The following SYT14 variants were observed in gnomAD, a reference collection of about 807,000 sequenced individuals.
SYT14 encodes synaptotagmin-14.
A neutral mutation model predicts 74.2 loss-of-function variants in SYT14; 32 were observed. That is an observed-to-expected ratio of 0.43 (90% CI 0.33 to 0.58). The LOEUF (loss-of-function observed/expected upper bound fraction) is 0.58, where lower values mean the gene tolerates loss of function less well. SYT14 is among the 20% of genes least tolerant of loss of function. The probability of loss-of-function intolerance (pLI) is 0.05; values close to 1 mark genes in which losing one functional copy is unlikely to be tolerated. For synonymous variants in SYT14, 298 were observed against 337.7 expected (o/e 0.88, Z 1.29); for missense variants, 791 against 981.8 (o/e 0.81, Z 2.60).
At chr1:210,130,812 G>A (rs866538361) in intron 7 of SYT14, among the ~76,000 whole-genome samples, 1 of 152,156 alleles carries the variant, frequency 6.6e-6, no homozygotes, top group Non-Finnish European at 1.5e-5. Context: ...AACATCATAT[G>A]TAATAACTCA....
chr1:210,076,713 C>T (rs2081507610), intron 5 of SYT14, among the ~76,000 whole-genome samples: 1 of 152,158 alleles, frequency 6.6e-6, no homozygotes, highest in African/African-American at 2.4e-5. Flanking sequence ...CAGCGCTTCA[C>T]ATGGCTGGAG....
chr1:210,002,085 G>C (rs1458586181), intron 2 of SYT14, among the ~76,000 whole-genome samples: 1 of 152,186 alleles, frequency 6.6e-6, no homozygotes, highest in Non-Finnish European at 1.5e-5. Flanking sequence ...TCGCAGACTG[G>C]AATGATTCAC....
intron 2 of SYT14, among the ~76,000 whole-genome samples, chr1:210,000,394 A>G (rs2079872453): frequency 6.6e-6 from 1 of 150,886 alleles, no homozygotes; most frequent in African/African-American, 2.4e-5. Flanking sequence ...TAAGCCTTGA[A>G]TTACTTTTGT....
intron 5 of SYT14, 119 bp from the exon 5 acceptor site, chr1:210,094,203 A>G: frequency 1.5e-6 from 2 of 1,329,016 alleles, no homozygotes; most frequent in Non-Finnish European, 1.1e-6. Flanking sequence ...AGTAAATCTA[A>G]TAGTTATGTT....
intron 2 of SYT14, among the ~76,000 whole-genome samples, chr1:209,960,829 A>G (rs970609049): frequency 1.3e-5 from 2 of 152,192 alleles, no homozygotes; most frequent in South Asian, 4.1e-4. Context: ...CAATTCTGAT[A>G]GTTTCTTATC....
intron 2 of SYT14, chr1:209,953,044 T>A (rs1377198787): frequency 7.3e-7 from 1 of 1,370,802 alleles, no homozygotes; most frequent in South Asian, 1.2e-5. Context: ...TTGATTTTTG[T>A]TCCCTTTCAG....
chr1:210,022,457 A>G (rs1396866023), intron 5 of SYT14, among the ~76,000 whole-genome samples: 2 of 152,248 alleles, frequency 1.3e-5, no homozygotes, highest in East Asian at 1.9e-4. Flanking sequence ...TAATTAAATA[A>G]TACAAAGCAG....
chr1:210,149,010 T>C (rs2102693607), intron 7 of SYT14, among the ~76,000 whole-genome samples: 1 of 152,186 alleles, frequency 6.6e-6, no homozygotes, highest in Middle Eastern at 3.4e-3. Flanking sequence ...ATTCTTCAAA[T>C]AGGTATTATT....
chr1:210,133,247 C>G (rs2082713803), intron 7 of SYT14, among the ~76,000 whole-genome samples: 1 of 152,150 alleles, frequency 6.6e-6, no homozygotes, highest in African/African-American at 2.4e-5. Flanking sequence ...GAGAATCAGA[C>G]TCAGTTTGGG....
At chr1:210,163,137 T>C (rs1267821738) in exon 10 of SYT14, 1 of 453,470 alleles carries the variant, frequency 2.2e-6, no homozygotes, top group Admixed American at 2.4e-5. Context: ...ATCTTCCTAA[T>C]AAAAAGAGTT....
intron 2 of SYT14, among the ~76,000 whole-genome samples, chr1:209,975,124 G>A (rs1211580703): frequency 1.3e-5 from 2 of 152,130 alleles, no homozygotes; most frequent in African/African-American, 4.8e-5. Flanking sequence ...TGAGACAGTG[G>A]GGTTTTCTAG....
intron 5 of SYT14, among the ~76,000 whole-genome samples, chr1:210,038,184 T>C (rs1399321267): frequency 1.3e-5 from 2 of 152,128 alleles, no homozygotes; most frequent in African/African-American, 4.8e-5. Context: ...CTTTGTCTTC[T>C]TTTATTGTTG....
At chr1:209,967,677 A>G (rs1373492614) in intron 2 of SYT14, among the ~76,000 whole-genome samples, 1 of 152,042 alleles carries the variant, frequency 6.6e-6, no homozygotes, top group Non-Finnish European at 1.5e-5. Flanking sequence ...TCTGATATTG[A>G]TAATTTCTGT....
At chr1:209,982,993 C>T (rs1339836883) in intron 2 of SYT14, among the ~76,000 whole-genome samples, 1 of 150,292 alleles carries the variant, frequency 6.7e-6, no homozygotes, top group African/African-American at 2.4e-5. Flanking sequence ...ATGCTTATCG[C>T]TTTTGGTGAG....
intron 2 of SYT14, among the ~76,000 whole-genome samples, chr1:210,007,382 A>T (rs11578500): frequency 6.6e-6 from 1 of 151,982 alleles, no homozygotes; most frequent in South Asian, 2.1e-4. Flanking sequence ...AGCACTACTA[A>T]TGAATATCAA....
At chr1:210,064,391 C>T (rs1319774073) in intron 5 of SYT14, among the ~76,000 whole-genome samples, 1 of 151,846 alleles carries the variant, frequency 6.6e-6, no homozygotes, top group East Asian at 1.9e-4. Context: ...TTTTATCTTC[C>T]CAAATAGAAA....
chr1:210,110,059 T>C (rs528051880), intron 7 of SYT14, among the ~76,000 whole-genome samples: 37 of 151,658 alleles, frequency 2.4e-4, no homozygotes, highest in Admixed American at 5.9e-4. Context: ...TAAGTGGGAG[T>C]TGAACAGTGA....
intron 5 of SYT14, among the ~76,000 whole-genome samples, chr1:210,063,834 T>C (rs1379169585): frequency 6.6e-6 from 1 of 151,896 alleles, no homozygotes; most frequent in African/African-American, 2.4e-5. Flanking sequence ...CTCCTAGGTT[T>C]CCCTATATGA....
chr1:210,110,573 GAGTCCA>G, intron 7 of SYT14, among the ~76,000 whole-genome samples: 1 of 152,230 alleles, frequency 6.6e-6, no homozygotes, highest in Non-Finnish European at 1.5e-5. Context: ...AAGGTGTTGG[GAGTCCA>G]AAGCAAAGAT....
Sources: allele counts gnomAD v4.1 joint callset (sites outside exome capture counted in the v4.1 genomes callset), GRCh38; gene constraint gnomAD v4.1.1; transcripts MANE v1.5; gene names NCBI Gene and HGNC (gene_info 2026-07-23, HGNC 2026-07-21).